Variants in PLAA observed in about 807,000 individuals in gnomAD.
The protein encoded by PLAA is phospholipase A-2-activating protein.
In PLAA, 48 loss-of-function variants were observed where a neutral mutation model predicts 84.1. That is an observed-to-expected ratio of 0.57 (90% confidence interval 0.45 to 0.73). The LOEUF is 0.73. PLAA is among the 30% of genes least tolerant of loss of function. The probability of loss-of-function intolerance (pLI) is 0.00; values close to 1 mark genes in which losing one functional copy is unlikely to be tolerated. For missense variants in PLAA, 903 were observed against 954.7 expected (o/e 0.95, Z 0.71); for synonymous variants, 392 against 336.6 (o/e 1.16, Z -1.80).
In PLAA at chr9:26,919,490, C is replaced by T; in HGVS notation, c.1237G>A (p.Gly413Arg). The T allele has an allele frequency of 6.2e-7, 1 of 1,607,230 alleles. No individual in the cohort carries two copies. The highest frequency in any genetic ancestry group is 8.5e-7 in the Non-Finnish European group (1 of 1,174,262). ...YVFSIDVNEG[G>R]PSYKLPYNTS... ...TTATATGGCAATTTATATGATGGTCCACCTTCATTGACATCAATTGAGAAA... is the reference window on the plus strand; with the variant it reads ...TTATATGGCAATTTATATGATGGTCTACCTTCATTGACATCAATTGAGAAA... The change falls in exon 9 of 14, where the codon GGA becomes AGA. Residue 413 changes from glycine (G) to arginine (R), a missense_variant. Transcript: ENST00000397292.
In PLAA at chr9:26,907,930, G is replaced by C; in HGVS notation, c.1726C>G (p.Leu576Val). The change falls in exon 13 of 14, where the codon CTT (leucine) becomes GTT (valine). Residue 576 changes from leucine to valine, a missense_variant. Transcript: ENST00000397292. ...CATATTAGAGACAGTATCTTCTCAA[G>C]AAGTATCAAGTCATCCTCAGTTAAC... is the stretch of plus-strand genomic sequence containing the variant. Reference protein sequence around the residue: ...KKLTEDDLILLEKILSLICNS... With the variant: ...KKLTEDDLILVEKILSLICNS... 1 of 1,610,940 alleles carries C rather than the reference G, an allele frequency of 6.2e-7. No individual in the cohort carries two copies. The highest frequency in any genetic ancestry group is 8.5e-7 in the Non-Finnish European group (1 of 1,178,788).
Position 26,935,152 on chromosome 9 carries a change from T to C in PLAA, c.204A>G (p.Val68=). The C allele has an allele frequency of 2.5e-6, 4 of 1,597,476 alleles. No homozygotes were observed. The highest frequency in any genetic ancestry group is 1.8e-5 in the Admixed American group (1 of 54,992). The stretch of plus-strand genomic sequence containing the variant: ...TTGAGGGTATGATGCATACACAAGA[T>C]ACAAAATTGGAATGGCCACTCATAC... The part of the protein sequence containing the change: ...MHCMSGHSNF[V]SCVCIIPSSD... Residue 68 remains valine, a synonymous_variant, in exon 2 of 14, where the codon GTA becomes GTG. Transcript: ENST00000397292.
intron 2 of PLAA, among the ~76,000 whole-genome samples, 172 bp from the exon 3 acceptor site, chr9:26,928,580 T>C (rs1031252257): frequency 2.0e-5 from 3 of 152,236 alleles, no homozygotes; most frequent in Non-Finnish European, 2.9e-5. Context: ...GAGCAGACTC[T>C]GGTGCCAGAC....
chr9:26,907,459 GCGGAGCT>G (rs1249628293), intron 13 of PLAA, among the ~76,000 whole-genome samples: 2 of 111,744 alleles, frequency 1.8e-5, no homozygotes, highest in African/African-American at 3.4e-5. Context: ...AACCCGGGAG[GCGGAGCT>G]TGCAGTGAGC....
chr9:26,919,560 GC>G (rs1563910406), intron 8 of PLAA, 31 bp from the exon 9 acceptor site: 2 of 1,140,642 alleles, frequency 1.8e-6, no homozygotes, highest in Admixed American at 3.5e-5. Flanking sequence ...GGAGATACAT[GC>G]TTATTATCTG....
At position 26,904,218 on chromosome 9, in the gene PLAA, A is replaced by C. The variant is rs533013428; in HGVS notation, c.*1293T>G. The C allele has an allele frequency of 1.1e-4, 16 of 152,268 alleles. No homozygotes were observed. The highest frequency in any genetic ancestry group is 3.4e-4 in the African/African-American group (14 of 41,572). 9.4% of individuals were successfully genotyped at this position (152,268 alleles called of 1,614,324 possible). On this transcript the variant is annotated 3_prime_UTR_variant, in exon 14 of 14. Coordinates refer to ENST00000397292, the MANE Select transcript of PLAA (RefSeq NM_001031689.3). The stretch of plus-strand genomic sequence containing the variant: ...TTTCTTGCCCATTTGGGGAACAATT[A>C]TTCTTCTAAGGCTATAATTTGGCAT...
chr9:26,929,534 G>A (rs1355157398), intron 2 of PLAA, among the ~76,000 whole-genome samples: 4 of 152,084 alleles, frequency 2.6e-5, no homozygotes, highest in Admixed American at 6.6e-5. Context: ...ATTGGCGGTC[G>A]AAGCACAGCC....
In PLAA at chr9:26,930,181, C is replaced by T. The variant is rs926072150; in HGVS notation, c.344-1773G>A. 6.0e-5 allele frequency among the ~76,000 whole-genome samples: 9 copies of T among 151,162 alleles called. No homozygotes were observed. In the South Asian group the frequency reaches 6.3e-4, roughly 11 times the overall value. On this transcript the variant is annotated intron_variant, in intron 2 of 13. Coordinates refer to ENST00000397292, the MANE Select transcript of PLAA (RefSeq NM_001031689.3). ...GTGCAGCTGTGTGATCTCGGCTCAC[C>T]GCAAGCTCTGCCTCCCGGGTTCACG...
At chr9:26,937,694 G>C (rs546528371) in intron 1 of PLAA, among the ~76,000 whole-genome samples, 2 of 152,276 alleles carry the variant, frequency 1.3e-5, no homozygotes, top group Admixed American at 6.5e-5. Context: ...TATCAGTAAA[G>C]AGGCAGAAAA....
intron 1 of PLAA, among the ~76,000 whole-genome samples, chr9:26,944,871 T>C (rs1287194087): frequency 1.3e-5 from 2 of 152,222 alleles, no homozygotes; most frequent in Non-Finnish European, 2.9e-5. Flanking sequence ...GGCTCACGCC[T>C]GTAATCCCAA....
At chr9:26,918,816 G>C (rs1245591397) in intron 9 of PLAA, among the ~76,000 whole-genome samples, 2 of 152,250 alleles carry the variant, frequency 1.3e-5, no homozygotes, top group South Asian at 4.1e-4. Flanking sequence ...ACAATTTACA[G>C]ACTGGTATGA....
rs1402436466 is a variant in PLAA, at chr9:26,947,139, G to A, written c.-94C>T. 6.6e-6 allele frequency: 9 copies of A among 1,367,622 alleles called. No homozygotes were observed. Among genetic ancestry groups the A allele is most frequent in the African/African-American group, 1.5e-5 (1 of 65,716 alleles). 84.7% of individuals were successfully genotyped at this position (1,367,622 alleles called of 1,614,324 possible). A position where few individuals can be genotyped will look rare whatever the true frequency, so the allele number is the denominator to read the frequency against. ...AGCGCCGGGCCGCGGCGGGAGAAGAGCCTGCAGGTAAGGGGCGGCCGGAGA... is the reference window on the plus strand; with the variant it reads ...AGCGCCGGGCCGCGGCGGGAGAAGAACCTGCAGGTAAGGGGCGGCCGGAGA... On this transcript the variant is annotated 5_prime_UTR_variant, in exon 1 of 14. Transcript: ENST00000397292.
intron 10 of PLAA, 69 bp from the exon 11 acceptor site, chr9:26,914,016 C>T: frequency 2.7e-6 from 3 of 1,096,900 alleles, no homozygotes; most frequent in Middle Eastern, 2.0e-4. Flanking sequence ...TGCTCCTTCG[C>T]TTATTTCCAG....
At chr9:26,933,844 T>C (rs1336368539) in intron 2 of PLAA, among the ~76,000 whole-genome samples, 2 of 150,756 alleles carry the variant, frequency 1.3e-5, no homozygotes, top group Non-Finnish European at 3.0e-5. Context: ...GGTCTCACTC[T>C]ATCACCCAGG....
At chr9:26,931,779 T>C (rs1459245633) in intron 2 of PLAA, among the ~76,000 whole-genome samples, 2 of 152,144 alleles carry the variant, frequency 1.3e-5, no homozygotes, top group Non-Finnish European at 2.9e-5. Flanking sequence ...CGGTGGCTCA[T>C]GCCTGTAATC....
At chr9:26,924,785 C>T (rs912097511) in intron 6 of PLAA, among the ~76,000 whole-genome samples, 13 of 152,250 alleles carry the variant, frequency 8.5e-5, no homozygotes, top group Admixed American at 2.6e-4. Context: ...TCTTAGTCTT[C>T]TGTTCCTCCC....
intron 10 of PLAA, among the ~76,000 whole-genome samples, chr9:26,914,172 T>C (rs937937216): frequency 1.3e-5 from 2 of 152,204 alleles, no homozygotes; most frequent in East Asian, 1.9e-4. Context: ...ATTATAATTG[T>C]AGAAGTTTAG....
At chr9:26,922,063 A>G (rs1392138970) in intron 7 of PLAA, among the ~76,000 whole-genome samples, 3 of 152,056 alleles carry the variant, frequency 2.0e-5, no homozygotes, top group East Asian at 3.9e-4. Context: ...TAAAAATAGC[A>G]CTCCATGAAA....
At chr9:26,915,212 C>CA (rs144965647) in intron 10 of PLAA, among the ~76,000 whole-genome samples, 20,538 of 144,146 alleles carry the variant, frequency 0.14, 1,699 homozygotes, top group African/African-American at 0.25. Context: ...AACTCTGACT[C>CA]GAAAAAAAAA....
Sources: allele counts gnomAD v4.1 joint callset (sites outside exome capture counted in the v4.1 genomes callset), GRCh38; gene constraint gnomAD v4.1.1; transcripts MANE v1.5; gene names NCBI Gene and HGNC (gene_info 2026-07-23, HGNC 2026-07-21).